VAV3: variants seen among roughly 807,000 people sequenced by gnomAD.
The protein encoded by VAV3 is vav guanine nucleotide exchange factor 3, also known as guanine nucleotide exchange factor VAV3.
Under a neutral mutation model 131.2 loss-of-function variants are expected in VAV3, and 94 were observed. That is an observed-to-expected ratio of 0.72 (90% CI 0.61 to 0.85). VAV3 has a LOEUF of 0.85. Among genes scored for constraint, VAV3 ranks in the 40% least tolerant of loss-of-function variants. The pLI is 0.00. For missense variants in VAV3, 939 were observed against 1,002.7 expected, an observed-to-expected ratio of 0.94 and a Z score of 0.86; for synonymous variants, 349 against 342.0, an observed-to-expected ratio of 1.02 and a Z score of -0.22.
intron 17 of VAV3, among the ~76,000 whole-genome samples, chr1:107,700,724 G>A (rs6685297): frequency 0.85 from 129,089 of 151,924 alleles, 55,082 homozygotes; most frequent in Middle Eastern, 0.96. Context: ...GGCTGATTCC[G>A]TGCTTTTGCC....
rs1282212425 is a variant in VAV3, at chr1:107,603,107, T to C, written c.2072A>G (p.Asn691Ser). 6.2e-7 allele frequency: 1 copy of C among 1,613,764 alleles called. No individual in the cohort carries two copies. The highest frequency in any genetic ancestry group is 1.7e-5 in the Admixed American group (1 of 60,022). Residue 691 changes from asparagine (N) to serine (S), a missense_variant, in exon 23 of 27, where the codon AAT becomes AGT. Transcript: ENST00000370056. ...CCTGTGCCTCACAAGGTAAGTACTA[T>C]TTACCCTATTAATAAGTTCGGTCTC... ...QAETELINRV[N>S]STYLVRHRTK... is the part of the protein sequence containing the mutation.
At chr1:107,822,208 T>C (rs1285096503) in intron 2 of VAV3, among the ~76,000 whole-genome samples, 1 of 152,116 alleles carries the variant, frequency 6.6e-6, no homozygotes, top group East Asian at 1.9e-4. Flanking sequence ...TTGTTAACTC[T>C]GGAAGAGAGA....
At chr1:107,945,800 C>A (rs9435456) in intron 1 of VAV3, among the ~76,000 whole-genome samples, 1 of 142,172 alleles carries the variant, frequency 7.0e-6, no homozygotes, top group Admixed American at 7.0e-5. Context: ...CCAGCTTGAG[C>A]GACAAGAGCA....
chr1:107,742,309 T>C (rs532013990), intron 15 of VAV3, among the ~76,000 whole-genome samples: 3 of 152,234 alleles, frequency 2.0e-5, no homozygotes, highest in African/African-American at 7.2e-5. Context: ...AAAAATATGA[T>C]ACTGTGCTAT....
At chr1:107,840,009 C>T (rs773792772) in intron 2 of VAV3, among the ~76,000 whole-genome samples, 1 of 152,048 alleles carries the variant, frequency 6.6e-6, no homozygotes, top group Non-Finnish European at 1.5e-5. Context: ...CTAAAGAAGT[C>T]GAATTAATAA....
intron 15 of VAV3, among the ~76,000 whole-genome samples, chr1:107,732,858 G>C (rs925078947): frequency 6.6e-6 from 1 of 152,228 alleles, no homozygotes; most frequent in African/African-American, 2.4e-5. Context: ...GAAGAGAGCA[G>C]TGGTTCTCCC....
intron 6 of VAV3, among the ~76,000 whole-genome samples, chr1:107,769,454 G>A (rs964197930): frequency 2.6e-5 from 4 of 152,106 alleles, no homozygotes; most frequent in Non-Finnish European, 5.9e-5. Context: ...AATAATGCTT[G>A]CATACTTTCA....
At chr1:107,899,635 C>G (rs936409394) in intron 1 of VAV3, among the ~76,000 whole-genome samples, 3 of 152,152 alleles carry the variant, frequency 2.0e-5, no homozygotes, top group African/African-American at 4.8e-5. Context: ...AATGATGTAT[C>G]AAGGCTGAGT....
chr1:107,801,808 C>T (rs867886888), intron 2 of VAV3, among the ~76,000 whole-genome samples: 1 of 152,144 alleles, frequency 6.6e-6, no homozygotes. Flanking sequence ...CTCAACTAAA[C>T]TCATTTAAAT....
intron 4 of VAV3, among the ~76,000 whole-genome samples, chr1:107,775,960 G>A (rs1665332064): frequency 6.6e-6 from 1 of 152,156 alleles, no homozygotes; most frequent in South Asian, 2.1e-4. Context: ...AGAATAAGAG[G>A]TGTCTGAGTT....
intron 1 of VAV3, among the ~76,000 whole-genome samples, chr1:107,875,377 GT>G (rs1670444817): frequency 6.6e-6 from 1 of 152,180 alleles, no homozygotes; most frequent in South Asian, 2.1e-4. Flanking sequence ...GTGGGGCTGG[GT>G]GGGGGAACTT....
intron 25 of VAV3, among the ~76,000 whole-genome samples, chr1:107,581,442 T>C (rs932686480): frequency 1.3e-5 from 2 of 152,220 alleles, no homozygotes; most frequent in African/African-American, 4.8e-5. Flanking sequence ...CACAGTCAAA[T>C]ATTATTTATC....
At chr1:107,592,995 C>T (rs1052749954) in intron 25 of VAV3, among the ~76,000 whole-genome samples, 3 of 152,088 alleles carry the variant, frequency 2.0e-5, no homozygotes, top group Admixed American at 1.3e-4. Context: ...CAAGAGCTCC[C>T]TGCTATGCCT....
At position 107,662,582 on chromosome 1, in the gene VAV3, G is replaced by C. The variant is rs150116705; in HGVS notation, c.1778-19827C>G. 2.1e-3 allele frequency among the ~76,000 whole-genome samples: 318 copies of C among 152,256 alleles called. 1 individual carries two copies. Among genetic ancestry groups the C allele is most frequent in the African/African-American group, 7.1e-3 (293 of 41,536 alleles). ...TATTTCATTAAAAGCACTAAGAGTT[G>C]AATGGATTTTATTCAAGGCCACTGG... On this transcript the variant is annotated intron_variant, in intron 19 of 26. Coordinates refer to ENST00000370056, the MANE Select transcript of VAV3 (RefSeq NM_006113.5).
At chr1:107,751,692 T>A (rs552590692) in intron 12 of VAV3, among the ~76,000 whole-genome samples, 3 of 151,914 alleles carry the variant, frequency 2.0e-5, no homozygotes, top group Non-Finnish European at 4.4e-5. Flanking sequence ...CGCGCGCTAA[T>A]TTGGTCTATA....
intron 25 of VAV3, among the ~76,000 whole-genome samples, chr1:107,576,124 C>T (rs1046991366): frequency 1.3e-5 from 2 of 151,982 alleles, no homozygotes; most frequent in Non-Finnish European, 2.9e-5. Context: ...CCCCTTTATA[C>T]TTTCAGCCCC....
intron 25 of VAV3, among the ~76,000 whole-genome samples, chr1:107,592,759 G>A (rs148138578): frequency 6.6e-6 from 1 of 152,174 alleles, no homozygotes; most frequent in African/African-American, 2.4e-5. Flanking sequence ...TAAGTGACTC[G>A]CCTAAGGTCA....
At chr1:107,576,853 T>C (rs551670682) in intron 25 of VAV3, among the ~76,000 whole-genome samples, 1 of 152,338 alleles carries the variant, frequency 6.6e-6, no homozygotes, top group East Asian at 1.9e-4. Flanking sequence ...GCCTGTAAGA[T>C]GGTATCAATG....
intron 1 of VAV3, among the ~76,000 whole-genome samples, chr1:107,949,752 T>C (rs895417233): frequency 6.6e-6 from 1 of 152,224 alleles, no homozygotes; most frequent in African/African-American, 2.4e-5. Context: ...ACAGTTCTAT[T>C]TGTCATAATA....
Sources: gnomAD v4.1 joint callset for allele counts (sites outside exome capture counted in the v4.1 genomes callset) on GRCh38, gnomAD v4.1.1 for gene constraint, MANE v1.5 for transcripts, NCBI Gene and HGNC (gene_info 2026-07-23, HGNC 2026-07-21) for gene names.